The following NPFFR1 variants were observed in gnomAD, a reference collection of about 807,000 sequenced individuals.
NPFFR1 encodes the protein neuropeptide FF receptor 1.
NPFFR1 carries 17 observed loss-of-function variants against 12.7 expected under a neutral mutation model. The ratio of observed to expected loss-of-function variants is 1.34; its 90% confidence interval spans 0.92 to 2.01. The LOEUF is 2.01. Among genes scored for constraint, NPFFR1 ranks in the 30% most tolerant of loss-of-function variants. NPFFR1 has a pLI of 0.00. For missense variants in NPFFR1, 604 were observed against 606.5 expected (o/e 1.00, Z 0.04); for synonymous variants, 296 against 264.5 (o/e 1.12, Z -1.16).
intron 1 of NPFFR1, among the ~76,000 whole-genome samples, chr10:70,278,814 G>A (rs894645755): frequency 6.6e-6 from 1 of 152,164 alleles, no homozygotes; most frequent in African/African-American, 2.4e-5. Context: ...ATATTATTTA[G>A]TAAAACGTGC....
In NPFFR1 at chr10:70,253,716, C is replaced by T. The variant is rs1840534743; in HGVS notation, c.*1241G>A. The T allele has an allele frequency of 6.6e-6, 1 of 152,168 alleles. No individual in the cohort carries two copies. Among genetic ancestry groups the T allele is most frequent in the Admixed American group, 6.5e-5 (1 of 15,280 alleles). The allele number at this position is 152,168 out of a possible 1,614,324, so 9.4% of individuals were successfully genotyped here. On this transcript the variant is annotated 3_prime_UTR_variant, in exon 4 of 4. Coordinates refer to ENST00000277942, the MANE Select transcript of NPFFR1 (RefSeq NM_022146.5). ...TTTGTTTACTAAATTTCTAGCAACA[C>T]CGTGTTTTCTACAGAGGTGGGGGGA...
At chr10:70,264,847 G>A (rs1369945667) in intron 2 of NPFFR1, among the ~76,000 whole-genome samples, 1 of 152,208 alleles carries the variant, frequency 6.6e-6, no homozygotes, top group Non-Finnish European at 1.5e-5. Flanking sequence ...AATGTTTTAT[G>A]TATTCAAACA....
intron 1 of NPFFR1, among the ~76,000 whole-genome samples, chr10:70,266,964 A>G (rs57716415): frequency 0.091 from 13,854 of 152,234 alleles, 706 homozygotes; most frequent in Middle Eastern, 0.17. Flanking sequence ...CTTGCACTCA[A>G]TGGTAACAGC....
At chr10:70,268,103 C>A (rs996779130) in intron 1 of NPFFR1, among the ~76,000 whole-genome samples, 1 of 151,990 alleles carries the variant, frequency 6.6e-6, no homozygotes, top group African/African-American at 2.4e-5. Flanking sequence ...TATAAAGAAC[C>A]CCCATGTATA....
rs758927710 is a variant in NPFFR1, at chr10:70,255,872, GC to G, written c.423-46del. 3.3e-5 allele frequency: 51 copies of G among 1,547,836 alleles called. No homozygotes were observed. The South Asian group carries it at 5.9e-4, about 18-fold the overall frequency. ...AGGCGGGATCTGGGTGGGTCCTAGG[GC>G]CCCTGCGAGGGGACGGTGGGTGGGA... On this transcript the variant is annotated intron_variant, in intron 3 of 3. Coordinates refer to ENST00000277942, the MANE Select transcript of NPFFR1 (RefSeq NM_022146.5). This position sits in a 1 kb window ranked among gnomAD's most constrained non-coding sequence, Gnocchi z 4.2.
intron 1 of NPFFR1, among the ~76,000 whole-genome samples, chr10:70,273,644 G>A (rs1254316686): frequency 6.6e-6 from 1 of 152,124 alleles, no homozygotes; most frequent in African/African-American, 2.4e-5. Flanking sequence ...GCTTTTGAGG[G>A]ACCGTCCATC....
In NPFFR1 at chr10:70,248,220, G is replaced by A. The variant is rs1840469739; in HGVS notation, c.*6737C>T. On this transcript the variant is annotated 3_prime_UTR_variant, in exon 4 of 4. Coordinates refer to ENST00000277942, the MANE Select transcript of NPFFR1 (RefSeq NM_022146.5). ...GGACCTCCTGGTTATATAACCTCCA[G>A]TAAGTTACTTTACTTCTCTGAGCCT... The A allele has an allele frequency of 6.6e-6, 1 of 152,158 alleles. No homozygotes were observed. The highest frequency in any genetic ancestry group is 6.5e-5 in the Admixed American group (1 of 15,280). The allele number at this position is 152,158 out of a possible 1,614,324, so 9.4% of individuals were successfully genotyped here.
intron 1 of NPFFR1, among the ~76,000 whole-genome samples, chr10:70,271,799 C>T (rs1305283412): frequency 2.6e-5 from 4 of 151,994 alleles, no homozygotes; most frequent in Admixed American, 2.0e-4. Context: ...TTTTATAATA[C>T]AAACTGAAAG....
rs1840469495 is a variant in NPFFR1, at chr10:70,248,210, A to T, written c.*6747T>A. On this transcript the variant is annotated 3_prime_UTR_variant, in exon 4 of 4. Coordinates refer to ENST00000277942, the MANE Select transcript of NPFFR1 (RefSeq NM_022146.5). ...CTCACCTTCAGGACCTCCTGGTTATATAACCTCCAGTAAGTTACTTTACTT... is the reference window on the plus strand; with the variant it reads ...CTCACCTTCAGGACCTCCTGGTTATTTAACCTCCAGTAAGTTACTTTACTT... 1 of 152,170 alleles carries T rather than the reference A, an allele frequency of 6.6e-6. No individual in the cohort carries two copies. The highest frequency in any genetic ancestry group is 2.4e-5 in the African/African-American group (1 of 41,444). 9.4% of individuals were successfully genotyped at this position (152,170 alleles called of 1,614,324 possible). A position where few individuals can be genotyped will look rare whatever the true frequency, so the allele number is the denominator to read the frequency against.
chr10:70,269,672 C>T (rs534865532), intron 1 of NPFFR1, among the ~76,000 whole-genome samples: 2 of 152,088 alleles, frequency 1.3e-5, no homozygotes, highest in Non-Finnish European at 1.5e-5. Context: ...CCACCACACC[C>T]AGCTAATTTT....
chr10:70,254,570 A>G lies in NPFFR1; in HGVS notation c.*387T>C, dbSNP rs1380840253. ...TCTTGGAGCCAGCTGGAGATGATAA[A>G]AACCACACAGGTATTGGAGTCAGAT... On this transcript the variant is annotated 3_prime_UTR_variant, in exon 4 of 4. Coordinates refer to ENST00000277942, the MANE Select transcript of NPFFR1 (RefSeq NM_022146.5). 6 of 189,798 alleles carry G rather than the reference A, an allele frequency of 3.2e-5. No homozygotes were observed. Among genetic ancestry groups the G allele is most frequent in the Non-Finnish European group, 6.4e-5 (6 of 93,658 alleles). The allele number at this position is 189,798 out of a possible 1,614,324, so 11.8% of individuals were successfully genotyped here. A position where few individuals can be genotyped will look rare whatever the true frequency, so the allele number is the denominator to read the frequency against.
rs376005387 is a variant in NPFFR1 at position 70,279,274 on chromosome 10, G to A, written c.7+4396C>T. Among the ~76,000 whole-genome samples, 8 of 152,148 alleles carry A rather than the reference G, an allele frequency of 5.3e-5. No individual in the cohort carries two copies. The East Asian group carries it at 1.5e-3, about 29-fold the overall frequency. On this transcript the variant is annotated intron_variant, in intron 1 of 3. Coordinates refer to ENST00000277942, the MANE Select transcript of NPFFR1 (RefSeq NM_022146.5). ...CGATTCTTATGTTTCAGCCTCCCAAGTAGCTGGGATTACAGATGTGTACCA... is the reference window on the plus strand; with the variant it reads ...CGATTCTTATGTTTCAGCCTCCCAAATAGCTGGGATTACAGATGTGTACCA...
At chr10:70,271,737 A>G (rs1840743940) in intron 1 of NPFFR1, among the ~76,000 whole-genome samples, 1 of 152,178 alleles carries the variant, frequency 6.6e-6, no homozygotes, top group South Asian at 2.1e-4. Flanking sequence ...TGTGTGAGGC[A>G]GCAGCAGCGG....
chr10:70,259,561 G>T (rs1005807144), intron 3 of NPFFR1, among the ~76,000 whole-genome samples: 11 of 152,138 alleles, frequency 7.2e-5, no homozygotes, highest in African/African-American at 2.7e-4. Context: ...GCTAGTTAGT[G>T]GCCTTGTGGA....
intron 1 of NPFFR1, among the ~76,000 whole-genome samples, chr10:70,279,286 A>G (rs1840835091): frequency 6.6e-6 from 1 of 152,084 alleles, no homozygotes; most frequent in Admixed American, 6.6e-5. Flanking sequence ...AGCTGGGATT[A>G]CAGATGTGTA....
chr10:70,273,488 T>A (rs748008049), intron 1 of NPFFR1, among the ~76,000 whole-genome samples: 1 of 152,194 alleles, frequency 6.6e-6, no homozygotes, highest in Non-Finnish European at 1.5e-5. Flanking sequence ...AAGCATTGGA[T>A]CCGCTCCCAA....
chr10:70,258,795 C>T (rs1021185900), intron 3 of NPFFR1, among the ~76,000 whole-genome samples: 2 of 152,154 alleles, frequency 1.3e-5, no homozygotes, highest in African/African-American at 4.8e-5. Flanking sequence ...GGTCACATGG[C>T]TGTTTGGAGT....
intron 1 of NPFFR1, among the ~76,000 whole-genome samples, chr10:70,271,693 T>C (rs1840743534): frequency 6.6e-6 from 1 of 151,984 alleles, no homozygotes. Context: ...AGACGACATG[T>C]GAGAACTAAG....
chr10:70,270,006 T>C (rs1465833299), intron 1 of NPFFR1, among the ~76,000 whole-genome samples: 1 of 152,182 alleles, frequency 6.6e-6, no homozygotes, highest in Non-Finnish European at 1.5e-5. Context: ...TGTCTTCCCA[T>C]AGCATCTGGT....
Sources: allele counts gnomAD v4.1 joint callset (sites outside exome capture counted in the v4.1 genomes callset), GRCh38; gene constraint gnomAD v4.1.1; non-coding constraint Gnocchi (gnomAD v3.1); transcripts MANE v1.5; gene names NCBI Gene and HGNC (gene_info 2026-07-23, HGNC 2026-07-21).